The following DCAF6 variants were observed in gnomAD, a reference collection of about 807,000 sequenced individuals.
DCAF6 encodes the protein DDB1 and CUL4 associated factor 6.
A neutral mutation model predicts 125.1 loss-of-function variants in DCAF6; 54 were observed. The ratio of observed to expected loss-of-function variants is 0.43; its 90% confidence interval spans 0.35 to 0.54. The LOEUF is 0.54. Among genes scored for constraint, DCAF6 ranks in the 20% least tolerant of loss-of-function variants. The pLI is 0.01. For synonymous variants in DCAF6, 371 were observed against 390.4 expected (o/e 0.95, Z 0.58); for missense variants, 934 against 1,161.7 (o/e 0.80, Z 2.85).
the DCAF6 span, chr1:167,920,195 G>T: frequency 1.4e-6 from 1 of 729,330 alleles, no homozygotes; most frequent in Non-Finnish European, 2.3e-6. Flanking sequence ...GTAGGATGAG[G>T]GACAAAGAAA....
In DCAF6 at chr1:168,015,923, G is replaced by A. The variant is rs954631165; in HGVS notation, c.1521G>A (p.Glu507=). The part of the protein sequence containing the change: ...QPSTSDQSSH[E]GSSQDPHASD... ...CCACTTCTGATCAGTCTTCTCATGA[G>A]GGCTCTTCACAGGACCCTCATGCTT... Residue 507 remains glutamate, a synonymous_variant, in exon 11 of 22, where the codon GAG becomes GAA. Transcript: ENST00000367840. The A allele has an allele frequency of 1.3e-6, 2 of 1,527,948 alleles. No homozygotes were observed. The highest frequency in any genetic ancestry group is 1.8e-6 in the Non-Finnish European group (2 of 1,135,726). The allele number at this position is 1,527,948 out of a possible 1,614,324, so 94.6% of individuals were successfully genotyped here. A position where few individuals can be genotyped will look rare whatever the true frequency, so the allele number is the denominator to read the frequency against.
chr1:167,994,263 GT>G (rs750844502), intron 7 of DCAF6, among the ~76,000 whole-genome samples: 1 of 152,024 alleles, frequency 6.6e-6, no homozygotes, highest in Non-Finnish European at 1.5e-5. Flanking sequence ...ATAGCAAAAT[GT>G]TTATCTTAAC....
At chr1:167,870,439 A>T in the DCAF6 span, 1 of 1,565,668 alleles carries the variant, frequency 6.4e-7, no homozygotes, top group African/African-American at 1.3e-5. Flanking sequence ...AAAAAGAGCA[A>T]ACTCAATCAA....
chr1:167,982,852 G>T (rs1433124745), intron 4 of DCAF6, among the ~76,000 whole-genome samples: 2 of 152,058 alleles, frequency 1.3e-5, no homozygotes, highest in African/African-American at 4.8e-5. Context: ...TGAAATGTAG[G>T]GGGGTCCAGT....
the DCAF6 span, chr1:167,896,832 AAAATTGAAATTTT>A: frequency 5.9e-4 from 380 of 647,466 alleles, 1 homozygote; most frequent in Non-Finnish European, 8.8e-4. Flanking sequence ...TTTGATTTGT[AAAATTGAAATTTT>A]AAATTGAAAA....
chr1:167,867,999 GAA>G, the DCAF6 span, among the ~76,000 whole-genome samples: 1 of 151,992 alleles, frequency 6.6e-6, no homozygotes, highest in African/African-American at 2.4e-5. Context: ...ACCCAAGGTA[GAA>G]AAAAAGAAGT....
chr1:167,987,249 T>G (rs987097012), intron 4 of DCAF6, among the ~76,000 whole-genome samples: 1 of 152,198 alleles, frequency 6.6e-6, no homozygotes, highest in African/African-American at 2.4e-5. Flanking sequence ...CAGATAACTT[T>G]TTATCTGAAG....
the DCAF6 span, among the ~76,000 whole-genome samples, chr1:167,877,929 C>A: frequency 6.6e-6 from 1 of 152,154 alleles, no homozygotes; most frequent in Non-Finnish European, 1.5e-5. Flanking sequence ...CCTTGTATGT[C>A]ACTGCAAAGA....
chr1:168,054,029 C>G (rs546943259), intron 17 of DCAF6, among the ~76,000 whole-genome samples: 1 of 152,154 alleles, frequency 6.6e-6, no homozygotes, highest in African/African-American at 2.4e-5. Flanking sequence ...CAGCAAGATA[C>G]TCTCTAGCAA....
At chr1:167,887,730 TA>T in the DCAF6 span, among the ~76,000 whole-genome samples, 134 of 151,038 alleles carry the variant, frequency 8.9e-4, no homozygotes, top group African/African-American at 2.7e-3. Flanking sequence ...AATAAAAGAT[TA>T]AAAAAACTCA....
intron 16 of DCAF6, among the ~76,000 whole-genome samples, chr1:168,045,943 C>G (rs1410440116): frequency 6.6e-6 from 1 of 151,902 alleles, no homozygotes; most frequent in Non-Finnish European, 1.5e-5. Flanking sequence ...TTCAGAGAAC[C>G]TAGTTTTAAT....
chr1:167,899,561 A>G, the DCAF6 span: 11 of 1,614,216 alleles, frequency 6.8e-6, no homozygotes, highest in South Asian at 1.1e-5. Context: ...CTGCCTGACC[A>G]ATCACCAGAA....
chr1:167,874,100 G>A, the DCAF6 span, among the ~76,000 whole-genome samples: 1 of 152,160 alleles, frequency 6.6e-6, no homozygotes, highest in Non-Finnish European at 1.5e-5. Context: ...GGGAGGCTGG[G>A]GCAAGTGGAT....
upstream of DCAF6, among the ~76,000 whole-genome samples, chr1:167,933,237 G>T (rs1282448968): frequency 6.8e-6 from 1 of 147,490 alleles, no homozygotes; most frequent in African/African-American, 2.5e-5. Context: ...GCACGATCTT[G>T]GCTAACTGCA....
chr1:167,876,126 T>G, the DCAF6 span, among the ~76,000 whole-genome samples: 51,446 of 151,234 alleles, frequency 0.34, 9,768 homozygotes, highest in African/African-American at 0.51. Flanking sequence ...GCGTGGTGGC[T>G]TGCGCCTGCC....
At chr1:167,896,278 A>T in the DCAF6 span, among the ~76,000 whole-genome samples, 3 of 152,176 alleles carry the variant, frequency 2.0e-5, no homozygotes, top group Non-Finnish European at 2.9e-5. Flanking sequence ...CTTTTCCTAG[A>T]AGTTTATTGG....
the DCAF6 span, among the ~76,000 whole-genome samples, chr1:167,908,532 T>C: frequency 1.3e-5 from 2 of 152,176 alleles, no homozygotes; most frequent in African/African-American, 4.8e-5. Flanking sequence ...TCAAAATGGC[T>C]AAGAGAGTAG....
At chr1:167,951,983 T>C (rs1164191947) in intron 2 of DCAF6, 122 bp downstream of exon 2, 6 of 556,218 alleles carry the variant, frequency 1.1e-5, no homozygotes, top group Non-Finnish European at 1.9e-5. Flanking sequence ...AATAAAGTTT[T>C]ACATTAAAAT....
chr1:167,944,393 C>G (rs930968664), intron 1 of DCAF6, among the ~76,000 whole-genome samples: 1 of 152,152 alleles, frequency 6.6e-6, no homozygotes, highest in South Asian at 2.1e-4. Context: ...AATCTCCATA[C>G]TGTTTTCCAT....
Sources: allele counts gnomAD v4.1 joint callset (sites outside exome capture counted in the v4.1 genomes callset), GRCh38; gene constraint gnomAD v4.1.1; transcripts MANE v1.5; gene names NCBI Gene and HGNC (gene_info 2026-07-23, HGNC 2026-07-21).